ENAH: variants seen among roughly 807,000 people sequenced by gnomAD.
ENAH encodes protein enabled homolog.
Under a neutral mutation model 78.7 loss-of-function variants are expected in ENAH, and 23 were observed. The ratio of observed to expected loss-of-function variants is 0.29; its 90% CI spans 0.21 to 0.41. The LOEUF (loss-of-function observed/expected upper bound fraction) is 0.41. Among genes scored for constraint, ENAH ranks in the 10% least tolerant of loss-of-function variants. The pLI is 1.00. For missense variants in ENAH, 544 were observed against 691.0 expected, an observed-to-expected ratio of 0.79 and a Z score of 2.39; for synonymous variants, 226 against 241.0, an observed-to-expected ratio of 0.94 and a Z score of 0.58.
At chr1:225,619,127 A>T (rs1278774833) in intron 1 of ENAH, among the ~76,000 whole-genome samples, 1 of 152,204 alleles carries the variant, frequency 6.6e-6, no homozygotes, top group African/African-American at 2.4e-5. Context: ...ACAGACACTA[A>T]ATGTTTCATG....
At chr1:225,504,074 A>G (rs1285869390) in intron 11 of ENAH, among the ~76,000 whole-genome samples, 1 of 150,672 alleles carries the variant, frequency 6.6e-6, no homozygotes, top group African/African-American at 2.4e-5. Flanking sequence ...TGGTGTTATC[A>G]TGGCTCACTG....
At chr1:225,522,092 G>A (rs2096473937) in intron 4 of ENAH, among the ~76,000 whole-genome samples, 1 of 152,198 alleles carries the variant, frequency 6.6e-6, no homozygotes, top group South Asian at 2.1e-4. Context: ...ACCGCGCCCG[G>A]CCCAACAATA....
At chr1:225,647,298 A>T (rs538113034) in intron 1 of ENAH, among the ~76,000 whole-genome samples, 4 of 152,350 alleles carry the variant, frequency 2.6e-5, no homozygotes, top group Admixed American at 2.6e-4. Context: ...ACCAATAGAG[A>T]TGCATATGCT....
chr1:225,564,649 G>A (rs1323992061), intron 2 of ENAH, among the ~76,000 whole-genome samples: 1 of 151,784 alleles, frequency 6.6e-6, no homozygotes, highest in Non-Finnish European at 1.5e-5. Context: ...ATGTTGACCA[G>A]GCTGGTCTTG....
intron 1 of ENAH, 69 bp from the exon 2 acceptor site, chr1:225,567,483 C>T (rs748123597): frequency 6.4e-5 from 94 of 1,460,406 alleles, no homozygotes; most frequent in Admixed American, 1.4e-4. Flanking sequence ...CACATAGCCA[C>T]ACAAACCTAG....
chr1:225,616,020 T>C (rs569956856), intron 1 of ENAH, among the ~76,000 whole-genome samples: 1 of 152,338 alleles, frequency 6.6e-6, no homozygotes, highest in Admixed American at 6.5e-5. Context: ...TGTTAATCTA[T>C]AACCTTACCC....
chr1:225,534,276 T>C (rs939956571), intron 3 of ENAH, among the ~76,000 whole-genome samples: 3 of 152,068 alleles, frequency 2.0e-5, no homozygotes, highest in African/African-American at 7.2e-5. Flanking sequence ...CAGTGTTTCA[T>C]TGTGGGATCT....
intron 12 of ENAH, 68 bp from the exon 13 acceptor site, chr1:225,498,472 A>G: frequency 7.2e-6 from 7 of 968,184 alleles, no homozygotes; most frequent in Non-Finnish European, 1.1e-5. Flanking sequence ...CTTACTCATA[A>G]AATTTTAAGA....
chr1:225,577,533 T>TA (rs2096794273), intron 1 of ENAH, among the ~76,000 whole-genome samples: 1 of 152,218 alleles, frequency 6.6e-6, no homozygotes, highest in Non-Finnish European at 1.5e-5. Flanking sequence ...ACCACACTTA[T>TA]GTTTCATTCA....
intron 1 of ENAH, among the ~76,000 whole-genome samples, chr1:225,583,704 AG>A (rs761383382): frequency 6.6e-6 from 1 of 151,370 alleles, no homozygotes; most frequent in Non-Finnish European, 1.5e-5. Context: ...GCTACCTGGG[AG>A]GCTAAGTCAG....
chr1:225,571,866 C>T (rs561933155), intron 1 of ENAH, among the ~76,000 whole-genome samples: 4 of 152,204 alleles, frequency 2.6e-5, no homozygotes, highest in South Asian at 2.1e-4. Flanking sequence ...ACTCAACCCC[C>T]GCACCCTCAC....
chr1:225,589,454 C>T (rs768366404), intron 1 of ENAH, among the ~76,000 whole-genome samples: 4 of 152,244 alleles, frequency 2.6e-5, no homozygotes, highest in South Asian at 2.1e-4. Flanking sequence ...TCAGTATCCT[C>T]GGAGGAACTG....
rs397939130 is a variant in ENAH, at chr1:225,631,575, CAAA to C, written c.5+21108_5+21110del. ...AGTGACAGAGCAAGACACCATCTCT[CAAA>C]AAAAAAAAAAAAAAAGGCATAAACT... On this transcript the variant is annotated intron_variant, in intron 1 of 13. Coordinates refer to ENST00000366843, the MANE Select transcript of ENAH (RefSeq NM_018212.6). Among the ~76,000 whole-genome samples the C allele has an allele frequency of 6.2e-3, 445 of 71,462 alleles. 1 individual carries two copies. Among genetic ancestry groups the C allele is most frequent in the Non-Finnish European group, 9.3e-3 (302 of 32,376 alleles). The allele number at this position is 71,462 out of a possible 152,430, so 46.9% of individuals were successfully genotyped here. A position where few individuals can be genotyped will look rare whatever the true frequency, so the allele number is the denominator to read the frequency against.
intron 5 of ENAH, chr1:225,518,985 G>C (rs1483465738): frequency 5.4e-6 from 4 of 738,212 alleles, no homozygotes; most frequent in African/African-American, 1.8e-5. Flanking sequence ...AAATTTCCAA[G>C]AGCTTTCTTT....
Position 225,495,456 on chromosome 1 carries a change from G to GTTGTTT in ENAH, c.*2318_*2319insAAACAA, listed in dbSNP as rs2096244737. 9.0e-6 allele frequency: 1 copy of GTTGTTT among 110,738 alleles called. No homozygotes were observed. Among genetic ancestry groups the GTTGTTT allele is most frequent in the African/African-American group, 3.5e-5 (1 of 28,508 alleles). The allele number at this position is 110,738 out of a possible 1,614,324, so 6.9% of individuals were successfully genotyped here. ...GGAAATATAGCATGATTCAACACTG[G>GTTGTTT]TTTTTTTTTTTTTTTTTTTTTGTCA... On this transcript the variant is annotated 3_prime_UTR_variant, in exon 14 of 14. Coordinates refer to ENST00000366843, the MANE Select transcript of ENAH (RefSeq NM_018212.6).
At chr1:225,607,527 A>C (rs1324357209) in intron 1 of ENAH, among the ~76,000 whole-genome samples, 13 of 152,038 alleles carry the variant, frequency 8.6e-5, no homozygotes, top group African/African-American at 3.1e-4. Flanking sequence ...AAAAAAAAAA[A>C]AAAAAACACC....
chr1:225,493,654 C>G lies in ENAH; in HGVS notation c.*4121G>C, dbSNP rs2096234419. ...GGAAGTGAATGAGAGTAAATGTCTT[C>G]AGGAAAGTGAATTTTATGATAGCTA... On this transcript the variant is annotated 3_prime_UTR_variant, in exon 14 of 14. Coordinates refer to ENST00000366843, the MANE Select transcript of ENAH (RefSeq NM_018212.6). 6.6e-6 allele frequency: 1 copy of G among 152,102 alleles called. No homozygotes were observed. The highest frequency in any genetic ancestry group is 2.4e-5 in the African/African-American group (1 of 41,412). 9.4% of individuals were successfully genotyped at this position (152,102 alleles called of 1,614,324 possible).
chr1:225,528,635 T>C (rs1417495490), intron 4 of ENAH, among the ~76,000 whole-genome samples: 2 of 152,082 alleles, frequency 1.3e-5, no homozygotes, highest in African/African-American at 2.4e-5. Flanking sequence ...CATGACCAAG[T>C]AGAAAACTGA....
chr1:225,641,510 A>G (rs1289912618), intron 1 of ENAH, among the ~76,000 whole-genome samples: 1 of 151,600 alleles, frequency 6.6e-6, no homozygotes, highest in Non-Finnish European at 1.5e-5. Context: ...AAAAAAAACC[A>G]ATGAGTTGCC....
Sources: allele counts gnomAD v4.1 joint callset (sites outside exome capture counted in the v4.1 genomes callset), GRCh38; gene constraint gnomAD v4.1.1; transcripts MANE v1.5; gene names NCBI Gene and HGNC (gene_info 2026-07-23, HGNC 2026-07-21).